CDKL1: variants seen among roughly 807,000 people sequenced by gnomAD.
The protein encoded by CDKL1 is cyclin-dependent kinase-like 1.
A neutral mutation model predicts 42.0 loss-of-function variants in CDKL1; 41 were observed. That is an observed-to-expected ratio of 0.98 (90% CI 0.76 to 1.27). CDKL1 has a LOEUF of 1.27. CDKL1 is among the 50% of genes most tolerant of loss of function. The pLI, the probability that CDKL1 is intolerant of heterozygous loss-of-function variation, is 0.00. For synonymous variants in CDKL1, 153 were observed against 158.6 expected, an observed-to-expected ratio of 0.96 and a Z score of 0.26; for missense variants, 394 against 428.4, an observed-to-expected ratio of 0.92 and a Z score of 0.71.
At chr14:50,388,012 T>A (rs1224036731) in intron 2 of CDKL1, among the ~76,000 whole-genome samples, 1 of 152,196 alleles carries the variant, frequency 6.6e-6, no homozygotes, top group African/African-American at 2.4e-5. Context: ...TTCTCCTGCC[T>A]CAGCCTCCCA....
At position 50,327,446 on chromosome 14, in the gene CDKL1, T is replaced by C. The variant is rs1191016379; in HGVS notation, c.*2628A>G. The stretch of plus-strand genomic sequence containing the variant: ...GCCAGTTTGTTTATAGATTTCTGTG[T>C]GTTTGATTTGAACTTTTTTTTTTTT... On this transcript the variant is annotated 3_prime_UTR_variant, in exon 10 of 10. Transcript: ENST00000395834. The C allele has an allele frequency of 2.0e-5, 3 of 151,164 alleles. No individual in the cohort carries two copies. Among genetic ancestry groups the C allele is most frequent in the South Asian group, 4.2e-4 (2 of 4,800 alleles). 9.4% of individuals were successfully genotyped at this position (151,164 alleles called of 1,614,324 possible).
Position 50,326,652 on chromosome 14 carries a change from G to T in CDKL1, c.*3422C>A. ...TACTATTTTATTAAAACTGGACATAGATACTTGGCTGAATACAAATAGTTT... is the reference window on the plus strand; with the variant it reads ...TACTATTTTATTAAAACTGGACATATATACTTGGCTGAATACAAATAGTTT... On this transcript the variant is annotated 3_prime_UTR_variant, in exon 10 of 10. Transcript: ENST00000395834. The T allele has an allele frequency of 1.0e-6, 1 of 985,326 alleles. No homozygotes were observed. The highest frequency in any genetic ancestry group is 1.2e-6 in the Non-Finnish European group (1 of 829,848). The allele number at this position is 985,326 out of a possible 1,614,324, so 61.0% of individuals were successfully genotyped here. A position where few individuals can be genotyped will look rare whatever the true frequency, so the allele number is the denominator to read the frequency against.
chr14:50,345,116 A>G, intron 3 of CDKL1, 58 bp from the exon 4 acceptor site: 5 of 1,504,094 alleles, frequency 3.3e-6, no homozygotes, highest in Non-Finnish European at 4.6e-6. Flanking sequence ...AATTCAGCTC[A>G]AGAAAAGAAA....
At chr14:50,391,626 G>T (rs866178457) in intron 2 of CDKL1, among the ~76,000 whole-genome samples, 2 of 151,846 alleles carry the variant, frequency 1.3e-5, no homozygotes, top group South Asian at 4.2e-4. Context: ...CAAGTGATCC[G>T]CCCGTCTCAG....
In CDKL1 at chr14:50,356,143, G is replaced by A. The variant is rs549620635; in HGVS notation, c.290+2885C>T. ...CCAAGCAGGCTGGTAACCCAACCTG[G>A]CAACACCAGCATCAGTAGCTTATGC... On this transcript the variant is annotated intron_variant, in intron 3 of 9. Transcript: ENST00000395834. 2.0e-5 allele frequency among the ~76,000 whole-genome samples: 3 copies of A among 152,288 alleles called. No homozygotes were observed. In the South Asian group the frequency reaches 6.2e-4, roughly 32 times the overall value.
At chr14:50,373,142 CAA>C (rs2034635158) in intron 2 of CDKL1, among the ~76,000 whole-genome samples, 2 of 152,034 alleles carry the variant, frequency 1.3e-5, no homozygotes, top group Non-Finnish European at 2.9e-5. Flanking sequence ...GACATTTTAA[CAA>C]TATTAATTCA....
At chr14:50,362,845 T>A (rs745373463) in intron 2 of CDKL1, 99 of 354,974 alleles carry the variant, frequency 2.8e-4, no homozygotes, top group Middle Eastern at 9.6e-4. Context: ...TAGGGCCAGA[T>A]AAGAGAATAA....
Position 50,396,302 on chromosome 14 carries a change from C to T in CDKL1, c.-434G>A. The stretch of plus-strand genomic sequence containing the variant: ...GCACCAACGGACTGCACTAGAGCCC[C>T]ACCCAACGATGAGTGTTTGTCACGG... On this transcript the variant is annotated 5_prime_UTR_variant, in exon 2 of 10. Coordinates refer to ENST00000395834, the MANE Select transcript of CDKL1 (RefSeq NM_004196.7). 2.0e-6 allele frequency: 2 copies of T among 1,011,094 alleles called. No homozygotes were observed. The highest frequency in any genetic ancestry group is 2.4e-6 in the Non-Finnish European group (2 of 846,746). The allele number at this position is 1,011,094 out of a possible 1,614,324, so 62.6% of individuals were successfully genotyped here. A position where few individuals can be genotyped will look rare whatever the true frequency, so the allele number is the denominator to read the frequency against.
chr14:50,357,899 T>G (rs1283866721), intron 3 of CDKL1: 2 of 449,734 alleles, frequency 4.4e-6, no homozygotes, highest in East Asian at 6.0e-5. Flanking sequence ...GAAGCTTATT[T>G]GCAAGGCACA....
intron 2 of CDKL1, chr14:50,378,329 T>G (rs1169192872): frequency 7.3e-7 from 1 of 1,366,494 alleles, no homozygotes; most frequent in Admixed American, 1.9e-5. Context: ...ATAAGGTTCT[T>G]GCTCTGCGAG....
intron 3 of CDKL1, among the ~76,000 whole-genome samples, chr14:50,348,286 C>A (rs1407151796): frequency 1.3e-5 from 2 of 152,186 alleles, no homozygotes; most frequent in African/African-American, 4.8e-5. Context: ...ATGGAAAAAA[C>A]TGTTTAGAAA....
At chr14:50,331,910 C>T (rs2032963968) in intron 9 of CDKL1, 2 of 904,786 alleles carry the variant, frequency 2.2e-6, no homozygotes, top group Non-Finnish European at 3.2e-6. Flanking sequence ...TAAAAGTGTA[C>T]ATGATGACAC....
chr14:50,388,010 C>T (rs1260457369), intron 2 of CDKL1, among the ~76,000 whole-genome samples: 1 of 152,150 alleles, frequency 6.6e-6, no homozygotes, highest in Non-Finnish European at 1.5e-5. Flanking sequence ...GATTCTCCTG[C>T]CTCAGCCTCC....
intron 2 of CDKL1, chr14:50,364,075 G>A (rs932560997): frequency 6.6e-6 from 1 of 152,274 alleles, no homozygotes; most frequent in Non-Finnish European, 1.5e-5. Context: ...GTAGCACTGT[G>A]CCAGTAAAGG....
upstream of CDKL1, chr14:50,397,108 T>C (rs2035437507): frequency 7.3e-7 from 1 of 1,361,938 alleles, no homozygotes; most frequent in South Asian, 1.1e-5. Context: ...ATTTGCAAAC[T>C]TCCGCAGGCC....
chr14:50,334,745 C>T, intron 7 of CDKL1, 124 bp from the exon 8 acceptor site: 1 of 678,096 alleles, frequency 1.5e-6, no homozygotes, highest in Admixed American at 2.3e-5. Flanking sequence ...CTTTGCCCAC[C>T]CAACCTCCTG....
intron 2 of CDKL1, among the ~76,000 whole-genome samples, chr14:50,374,465 A>G (rs1157465370): frequency 6.6e-6 from 1 of 152,252 alleles, no homozygotes; most frequent in Non-Finnish European, 1.5e-5. Flanking sequence ...AGGATAGAAC[A>G]AAGACTGTGA....
chr14:50,344,341 G>A (rs368344095), intron 4 of CDKL1, among the ~76,000 whole-genome samples: 24 of 152,128 alleles, frequency 1.6e-4, no homozygotes, highest in African/African-American at 5.6e-4. Context: ...ATCACCTGGG[G>A]TTTTCCCCAA....
intron 2 of CDKL1, chr14:50,363,260 C>T (rs1566594464): frequency 5.1e-6 from 1 of 196,676 alleles, no homozygotes; most frequent in African/African-American, 2.3e-5. Flanking sequence ...TCAGTGAGAC[C>T]AAGAACCCAC....
Sources: allele counts gnomAD v4.1 joint callset (sites outside exome capture counted in the v4.1 genomes callset), GRCh38; gene constraint gnomAD v4.1.1; transcripts MANE v1.5; gene names NCBI Gene and HGNC (gene_info 2026-07-23, HGNC 2026-07-21).